R3HDM1: variants seen among roughly 807,000 people sequenced by gnomAD.
R3HDM1 encodes R3H domain containing 1, also known as R3H domain-containing protein 1.
R3HDM1 carries 46 observed loss-of-function variants against 141.1 expected under a neutral mutation model. The observed-to-expected ratio is 0.33, with a 90% CI of 0.26 to 0.42. The LOEUF is 0.42. R3HDM1 is among the 10% of genes least tolerant of loss of function. R3HDM1 has a pLI of 1.00. For synonymous variants in R3HDM1, 435 were observed against 472.9 expected (o/e 0.92, Z 1.04); for missense variants, 1,184 against 1,368.3 (o/e 0.87, Z 2.12).
chr2:135,568,613 G>A (rs1703341460), intron 1 of R3HDM1: 2 of 152,194 alleles, frequency 1.3e-5, no homozygotes, highest in Non-Finnish European at 2.9e-5. Context: ...GCCTCCCAAA[G>A]TGCTGGAATT....
intron 23 of R3HDM1, among the ~76,000 whole-genome samples, chr2:135,713,123 C>T (rs928934687): frequency 6.6e-6 from 1 of 151,858 alleles, no homozygotes; most frequent in African/African-American, 2.4e-5. Flanking sequence ...GATTGCTTGA[C>T]CCTGAGTGGT....
chr2:135,544,130 C>A (rs914263335), intron 1 of R3HDM1, among the ~76,000 whole-genome samples: 1 of 152,134 alleles, frequency 6.6e-6, no homozygotes, highest in Non-Finnish European at 1.5e-5. Flanking sequence ...ATGTGGAAAC[C>A]GCTAAAGAAA....
chr2:135,667,571 G>A (rs1207829421), intron 19 of R3HDM1: 2 of 869,684 alleles, frequency 2.3e-6, no homozygotes, highest in Non-Finnish European at 2.8e-6. Flanking sequence ...ATCACAGGAA[G>A]AATTTTTTTT....
At position 135,724,329 on chromosome 2, in the gene R3HDM1, T is replaced by G. The variant is rs1470417305; in HGVS notation, c.*37T>G. 6.9e-7 allele frequency: 1 copy of G among 1,439,880 alleles called. No homozygotes were observed. The highest frequency in any genetic ancestry group is 1.3e-5 in the South Asian group (1 of 78,718). 89.2% of individuals were successfully genotyped at this position (1,439,880 alleles called of 1,614,324 possible). A position where few individuals can be genotyped will look rare whatever the true frequency, so the allele number is the denominator to read the frequency against. ...GGACCCTTCGCCTTTATGGTTCCCCTGCCCTCTCCCATCTTTGATTGGCTT... is the reference window on the plus strand; with the variant it reads ...GGACCCTTCGCCTTTATGGTTCCCCGGCCCTCTCCCATCTTTGATTGGCTT... On this transcript the variant is annotated 3_prime_UTR_variant, in exon 27 of 27. Coordinates refer to ENST00000683871, the MANE Select transcript of R3HDM1 (RefSeq NM_001378107.1).
At chr2:135,637,277 A>T (rs1052046203) in intron 11 of R3HDM1, among the ~76,000 whole-genome samples, 1 of 152,178 alleles carries the variant, frequency 6.6e-6, no homozygotes, top group East Asian at 1.9e-4. Flanking sequence ...GTAACCTTAC[A>T]GGAGTGAAGA....
chr2:135,689,125 C>A (rs2071891682), intron 21 of R3HDM1, among the ~76,000 whole-genome samples: 1 of 151,988 alleles, frequency 6.6e-6, no homozygotes, highest in Non-Finnish European at 1.5e-5. Flanking sequence ...TTTTTGATGC[C>A]CTCCAGGTGA....
intron 1 of R3HDM1, among the ~76,000 whole-genome samples, chr2:135,596,612 A>T (rs2105082943): frequency 6.6e-6 from 1 of 152,248 alleles, no homozygotes; most frequent in African/African-American, 2.4e-5. Context: ...TGTGGTTTTT[A>T]AATTTTTATA....
At chr2:135,603,268 G>A (rs112586675) in intron 2 of R3HDM1, among the ~76,000 whole-genome samples, 1,739 of 152,150 alleles carry the variant, frequency 0.011, 36 homozygotes, top group African/African-American at 0.04. Flanking sequence ...GGGATTACAG[G>A]TGTAAACCAC....
intron 1 of R3HDM1, chr2:135,536,907 GCTT>G (rs1444123831): frequency 1.2e-5 from 2 of 172,862 alleles, no homozygotes; most frequent in South Asian, 3.8e-4. Context: ...TGGGTTGCGT[GCTT>G]CTTATGAGAA....
At chr2:135,716,195 G>A (rs1452242561) in intron 24 of R3HDM1, among the ~76,000 whole-genome samples, 1 of 152,228 alleles carries the variant, frequency 6.6e-6, no homozygotes, top group Non-Finnish European at 1.5e-5. Context: ...AGCTACTCAG[G>A]AGGCTGAAGC....
At chr2:135,712,792 G>A (rs1480058905) in intron 23 of R3HDM1, among the ~76,000 whole-genome samples, 1 of 151,782 alleles carries the variant, frequency 6.6e-6, no homozygotes. Flanking sequence ...GTGGTGGTGG[G>A]CGCCTGTAGT....
intron 1 of R3HDM1, among the ~76,000 whole-genome samples, chr2:135,592,319 C>T (rs192871300): frequency 6.6e-6 from 1 of 152,312 alleles, no homozygotes; most frequent in East Asian, 1.9e-4. Context: ...TTTTCCATTA[C>T]ACAATATCTT....
intron 1 of R3HDM1, chr2:135,565,853 A>G (rs1432334609): frequency 2.6e-5 from 4 of 152,812 alleles, no homozygotes; most frequent in Non-Finnish European, 5.9e-5. Flanking sequence ...AAGGAATGAG[A>G]AAAAGACAGT....
Position 135,621,543 on chromosome 2 carries a change from C to T in R3HDM1, c.353C>T (p.Pro118Leu). Residue 118 changes from proline to leucine, a missense_variant, in exon 6 of 27, where the codon CCC (proline) becomes CTC (leucine). By Grantham distance (98) the Pro-to-Leu change is moderately conservative (BLOSUM62 -3). Transcript: ENST00000683871. Reference protein sequence around the residue: ...LTQSFEKEEKPSKDEAEKEKA... With the variant: ...LTQSFEKEEKLSKDEAEKEKA... ...CAATCATTTGAGAAAGAAGAGAAGCCCTCAAAAGATGAAGCAGAAAAAGAA... is the reference window on the plus strand; with the variant it reads ...CAATCATTTGAGAAAGAAGAGAAGCTCTCAAAAGATGAAGCAGAAAAAGAA... 6.2e-7 allele frequency: 1 copy of T among 1,600,126 alleles called. No homozygotes were observed. The highest frequency in any genetic ancestry group is 8.5e-7 in the Non-Finnish European group (1 of 1,173,188).
At chr2:135,633,721 T>A (rs1559300637) in intron 9 of R3HDM1, 1 of 152,158 alleles carries the variant, frequency 6.6e-6, no homozygotes, top group East Asian at 1.9e-4. Context: ...CAGCCTTGAA[T>A]CAGTGGTGTT....
At chr2:135,559,419 C>T (rs1293130677) in intron 1 of R3HDM1, among the ~76,000 whole-genome samples, 1 of 152,162 alleles carries the variant, frequency 6.6e-6, no homozygotes, top group Admixed American at 6.5e-5. Flanking sequence ...ACTTGGCCCA[C>T]AAAATATATT....
chr2:135,617,961 A>G (rs1371515103), intron 5 of R3HDM1, among the ~76,000 whole-genome samples: 4 of 152,164 alleles, frequency 2.6e-5, no homozygotes, highest in Admixed American at 2.0e-4. Context: ...TTTACATGAT[A>G]CCCTCAAAAG....
intron 20 of R3HDM1, among the ~76,000 whole-genome samples, chr2:135,677,958 TCC>T (rs1383961420): frequency 2.0e-5 from 3 of 151,578 alleles, no homozygotes; most frequent in Non-Finnish European, 2.9e-5. Flanking sequence ...TCCCCCTCCC[TCC>T]CTCCTTCCTT....
chr2:135,546,010 G>C (rs1177980486), intron 1 of R3HDM1, among the ~76,000 whole-genome samples: 2 of 152,158 alleles, frequency 1.3e-5, no homozygotes, highest in African/African-American at 4.8e-5. Context: ...CTTCTTCCAG[G>C]GGATATCAGA....
Sources: gnomAD v4.1 joint callset for allele counts (sites outside exome capture counted in the v4.1 genomes callset) on GRCh38, gnomAD v4.1.1 for gene constraint, MANE v1.5 for transcripts, NCBI Gene and HGNC (gene_info 2026-07-23, HGNC 2026-07-21) for gene names.